The following PDZK1IP1 variants were observed in gnomAD, a reference collection of about 807,000 sequenced individuals.
PDZK1IP1 encodes PDZK1-interacting protein 1.
PDZK1IP1 carries 9 observed loss-of-function variants against 14.7 expected under a neutral mutation model. The observed-to-expected ratio is 0.61, with a 90% CI of 0.37 to 1.07. The LOEUF (loss-of-function observed/expected upper bound fraction) is 1.07. Among genes scored for constraint, PDZK1IP1 ranks in the 50% least tolerant of loss-of-function variants. PDZK1IP1 has a pLI of 0.01. For synonymous variants in PDZK1IP1, 70 were observed against 61.2 expected, an observed-to-expected ratio of 1.14 and a Z score of -0.67; for missense variants, 152 against 148.7, an observed-to-expected ratio of 1.02 and a Z score of -0.11.
chr1:47,188,126 T>C (rs1342661946), intron 1 of PDZK1IP1, among the ~76,000 whole-genome samples: 1 of 152,202 alleles, frequency 6.6e-6, no homozygotes, highest in African/African-American at 2.4e-5. Flanking sequence ...GCCCAGGGAC[T>C]AGGGCCAGAG....
chr1:47,185,026 T>A lies in PDZK1IP1; in HGVS notation c.248A>T (p.Tyr83Phe). ...CCTGAAACTGGCCGCCATCGAAGAG[T>A]ACCTTCCATCTGTTCCCACCAGGAC... ...DGVLVGTDGR[Y>F]SSMAASFRSS... Residue 83 changes from tyrosine to phenylalanine, a missense_variant, in exon 3 of 4, where the codon TAC becomes TTC. Transcript: ENST00000294338. 1.9e-6 allele frequency: 3 copies of A among 1,613,102 alleles called. No homozygotes were observed. Among genetic ancestry groups the A allele is most frequent in the Non-Finnish European group, 2.5e-6 (3 of 1,179,836 alleles).
intron 2 of PDZK1IP1, chr1:47,185,406 T>G: frequency 2.9e-6 from 1 of 341,102 alleles, no homozygotes. Context: ...GCCCCAAATT[T>G]CCCCAGCTCG....
chr1:47,185,168 C>A, intron 2 of PDZK1IP1, 71 bp from the exon 3 acceptor site: 1 of 1,201,914 alleles, frequency 8.3e-7, no homozygotes, highest in Non-Finnish European at 1.2e-6. Flanking sequence ...TATTCTGGGT[C>A]CTGGTTCTCA....
chr1:47,185,132 G>A, intron 2 of PDZK1IP1, 35 bp from the exon 3 acceptor site: 2 of 1,557,480 alleles, frequency 1.3e-6, no homozygotes, highest in East Asian at 2.2e-5. Context: ...GCTCCTCAGT[G>A]GGGCCCCCCT....
At chr1:47,187,489 C>A (rs774201381) in intron 1 of PDZK1IP1, 62 bp from the exon 2 acceptor site, 5 of 1,314,142 alleles carry the variant, frequency 3.8e-6, no homozygotes, top group Non-Finnish European at 5.5e-6. Flanking sequence ...TGCAGGAGAG[C>A]GAGGGGCCTC....
Position 47,189,989 on chromosome 1 carries a change from G to A in PDZK1IP1, c.-57C>T, listed in dbSNP as rs572036913. On this transcript the variant is annotated 5_prime_UTR_variant, in exon 1 of 4. Transcript: ENST00000294338. ...CGCCGGTGTCTGGGCTCCTGGAGCT[G>A]CTGTGGAGTCTATTGGTGTCCGCCT... 74 of 1,393,858 alleles carry A rather than the reference G, an allele frequency of 5.3e-5. No individual in the cohort carries two copies. In the African/African-American group the frequency reaches 7.8e-4, roughly 15 times the overall value. The allele number at this position is 1,393,858 out of a possible 1,614,324, so 86.3% of individuals were successfully genotyped here. A position where few individuals can be genotyped will look rare whatever the true frequency, so the allele number is the denominator to read the frequency against.
chr1:47,184,497 A>G (rs866883305), intron 3 of PDZK1IP1, among the ~76,000 whole-genome samples: 3 of 940 alleles, frequency 3.2e-3, no homozygotes, highest in Middle Eastern at 0.12. Flanking sequence ...CCCCCACTGA[A>G]CCCATCCCCC....
Position 47,183,978 on chromosome 1 carries a change from G to A in PDZK1IP1, c.338C>T (p.Pro113Leu), listed in dbSNP as rs370702290. The change falls in exon 4 of 4, where the codon CCG (proline) becomes CTG (leucine). Residue 113 changes from proline (P) to leucine (L), a missense_variant. Coordinates refer to ENST00000294338, the MANE Select transcript of PDZK1IP1 (RefSeq NM_005764.4). ...TTGGAGCCACAGAGAAGGTTACATC[G>A]GGGTGCTGCGGACCTTGCCTTCCTC... ...PEEEGKVRST[P>L]M The A allele has an allele frequency of 1.3e-5, 21 of 1,595,774 alleles. No homozygotes were observed. Among genetic ancestry groups the A allele is most frequent in the African/African-American group, 4.0e-5 (3 of 74,736 alleles).
chr1:47,186,033 G>A (rs1261406796), intron 2 of PDZK1IP1, among the ~76,000 whole-genome samples: 2 of 152,186 alleles, frequency 1.3e-5, no homozygotes, highest in Non-Finnish European at 2.9e-5. Context: ...ACTGGAGGCA[G>A]GGCATGGTGG....
chr1:47,184,856 A>C, intron 3 of PDZK1IP1, 146 bp downstream of exon 3: 1 of 669,244 alleles, frequency 1.5e-6, no homozygotes, highest in Non-Finnish European at 2.7e-6. Flanking sequence ...AGAGCCCTGC[A>C]ATCCTCACAA....
chr1:47,187,422 C>T lies in PDZK1IP1; in HGVS notation c.73G>A (p.Gly25Arg), dbSNP rs1239196722. 1.2e-6 allele frequency: 2 copies of T among 1,612,422 alleles called. No homozygotes were observed. The highest frequency in any genetic ancestry group is 3.3e-5 in the Admixed American group (2 of 60,010). ...VPPASCQQGL[G>R]NLQPWMQGLI... ...CCCTGCATCCAGGGCTGAAGGTTCC[C>T]CAGGCCTAACAAAGGGAGAGGGGCT... Residue 25 changes from glycine to arginine, a missense_variant, in exon 2 of 4, where the codon GGG becomes AGG. Physicochemically the swap from Gly to Arg is moderately radical, Grantham distance 125. Coordinates refer to ENST00000294338, the MANE Select transcript of PDZK1IP1 (RefSeq NM_005764.4).
chr1:47,184,072 G>A (rs747256229), intron 3 of PDZK1IP1, 29 bp from the exon 4 acceptor site: 10 of 1,516,562 alleles, frequency 6.6e-6, no homozygotes, highest in Non-Finnish European at 9.0e-6. Flanking sequence ...GGCCTGATGG[G>A]TCATCGCTCC....
At chr1:47,187,743 T>C (rs1298220451) in intron 1 of PDZK1IP1, among the ~76,000 whole-genome samples, 2 of 152,196 alleles carry the variant, frequency 1.3e-5, no homozygotes, top group Non-Finnish European at 2.9e-5. Context: ...CCAGAGCCTC[T>C]TTCCCTCCCG....
In PDZK1IP1 at chr1:47,183,955, G is replaced by T; in HGVS notation, c.*16C>A. The T allele has an allele frequency of 6.3e-7, 1 of 1,584,660 alleles. No individual in the cohort carries two copies. The highest frequency in any genetic ancestry group is 8.6e-7 in the Non-Finnish European group (1 of 1,163,012). On this transcript the variant is annotated 3_prime_UTR_variant, in exon 4 of 4. Transcript: ENST00000294338. ...CCATGTGCCTGGGAGTCTTGGGGTTGGAGCCACAGAGAAGGTTACATCGGG... is the reference window on the plus strand; with the variant it reads ...CCATGTGCCTGGGAGTCTTGGGGTTTGAGCCACAGAGAAGGTTACATCGGG...
At position 47,183,868 on chromosome 1, in the gene PDZK1IP1, C is replaced by T. The variant is rs1557660184; in HGVS notation, c.*103G>A. 2 of 983,926 alleles carry T rather than the reference C, an allele frequency of 2.0e-6. No individual in the cohort carries two copies. Among genetic ancestry groups the T allele is most frequent in the Non-Finnish European group, 3.1e-6 (2 of 637,522 alleles). 60.9% of individuals were successfully genotyped at this position (983,926 alleles called of 1,614,324 possible). A position where few individuals can be genotyped will look rare whatever the true frequency, so the allele number is the denominator to read the frequency against. ...CGGCATGGGGCTGGAGGGAGTCAGCCCACTATTGCAGATTCCACACAAAGA... is the reference window on the plus strand; with the variant it reads ...CGGCATGGGGCTGGAGGGAGTCAGCTCACTATTGCAGATTCCACACAAAGA... On this transcript the variant is annotated 3_prime_UTR_variant, in exon 4 of 4. Coordinates refer to ENST00000294338, the MANE Select transcript of PDZK1IP1 (RefSeq NM_005764.4).
rs1376274052 is a variant in PDZK1IP1, at chr1:47,187,330, G to A, written c.165C>T (p.Cys55=). The A allele has an allele frequency of 1.2e-6, 2 of 1,611,992 alleles. No homozygotes were observed. Among genetic ancestry groups the A allele is most frequent in the Non-Finnish European group, 1.7e-6 (2 of 1,179,326 alleles). The change falls in exon 2 of 4, where the codon TGC becomes TGT. Residue 55 remains cysteine, a synonymous_variant. Coordinates refer to ENST00000294338, the MANE Select transcript of PDZK1IP1 (RefSeq NM_005764.4). The part of the protein sequence containing the change: ...AIAFAVNHFW[C]QEEPEPAHMI... ...TGGGCAGCACTCACGGCTCCTCCTG[G>A]CACCAGAAGTGGTTGACTGCAAAGG...
At chr1:47,187,024 G>A (rs74574003) in intron 2 of PDZK1IP1, among the ~76,000 whole-genome samples, 2,297 of 152,256 alleles carry the variant, frequency 0.015, 47 homozygotes, top group African/African-American at 0.051. Context: ...CTGGCTCTGC[G>A]GAAACACCAA....
chr1:47,183,865 A>G lies in PDZK1IP1; in HGVS notation c.*106T>C, dbSNP rs1423784231. 2 of 953,870 alleles carry G rather than the reference A, an allele frequency of 2.1e-6. No individual in the cohort carries two copies. Among genetic ancestry groups the G allele is most frequent in the Non-Finnish European group, 3.3e-6 (2 of 611,838 alleles). The allele number at this position is 953,870 out of a possible 1,614,324, so 59.1% of individuals were successfully genotyped here. ...GGCCGGCATGGGGCTGGAGGGAGTCAGCCCACTATTGCAGATTCCACACAA... is the reference window on the plus strand; with the variant it reads ...GGCCGGCATGGGGCTGGAGGGAGTCGGCCCACTATTGCAGATTCCACACAA... On this transcript the variant is annotated 3_prime_UTR_variant, in exon 4 of 4. Coordinates refer to ENST00000294338, the MANE Select transcript of PDZK1IP1 (RefSeq NM_005764.4).
At chr1:47,185,146 C>T (rs1371460855) in intron 2 of PDZK1IP1, 49 bp from the exon 3 acceptor site, 1 of 1,371,060 alleles carries the variant, frequency 7.3e-7, no homozygotes, top group African/African-American at 1.4e-5. Context: ...CCCCCCTCGT[C>T]CAAGCAGACC....
Sources: allele counts gnomAD v4.1 joint callset (sites outside exome capture counted in the v4.1 genomes callset), GRCh38; gene constraint gnomAD v4.1.1; transcripts MANE v1.5; gene names NCBI Gene and HGNC (gene_info 2026-07-23, HGNC 2026-07-21).